Variants in AK8 observed in about 807,000 individuals in gnomAD.
The protein encoded by AK8 is adenylate kinase 8, also known as ATP-AMP transphosphorylase 8.
AK8 carries 44 observed loss-of-function variants against 54.6 expected under a neutral mutation model. The observed-to-expected ratio is 0.81, with a 90% CI of 0.63 to 1.04. The LOEUF (loss-of-function observed/expected upper bound fraction) is 1.04. AK8 is among the 50% of genes least tolerant of loss of function. The probability of loss-of-function intolerance (pLI) is 0.00; values close to 1 mark genes in which losing one functional copy is unlikely to be tolerated. For missense variants in AK8, 555 were observed against 613.6 expected (o/e 0.90, Z 1.01); for synonymous variants, 239 against 245.6 (o/e 0.97, Z 0.25).
At chr9:132,864,673 A>G (rs1843519303) in intron 3 of AK8, among the ~76,000 whole-genome samples, 1 of 152,194 alleles carries the variant, frequency 6.6e-6, no homozygotes, top group Admixed American at 6.5e-5. Context: ...CAATTCACCA[A>G]AAGGCTTGTT....
In AK8 at chr9:132,823,149, G is replaced by A. The variant is rs1477617280; in HGVS notation, c.889+56C>T. The A allele has an allele frequency of 1.0e-5, 15 of 1,498,914 alleles. No individual in the cohort carries two copies. In the African/African-American group the frequency reaches 1.9e-4, roughly 19 times the overall value. The allele number at this position is 1,498,914 out of a possible 1,614,324, so 92.9% of individuals were successfully genotyped here. A position where few individuals can be genotyped will look rare whatever the true frequency, so the allele number is the denominator to read the frequency against. On this transcript the variant is annotated intron_variant, in intron 9 of 12. Transcript: ENST00000298545. ...ATAAAATGAGAGCTGGGGAGGAGGG[G>A]CAGGAGGCAGGGAAAGGCTCTCGAA...
At chr9:132,801,874 T>G (rs750712871) in intron 10 of AK8, among the ~76,000 whole-genome samples, 6 of 152,248 alleles carry the variant, frequency 3.9e-5, no homozygotes, top group Non-Finnish European at 8.8e-5. Context: ...AGGAAGTGAC[T>G]TGCCCATGGC....
At chr9:132,878,821 G>A (rs925589741), upstream of AK8, 14 of 970,322 alleles carry the variant, frequency 1.4e-5, no homozygotes, top group African/African-American at 2.5e-4. The surrounding 1 kb of genome is among the most constrained non-coding windows in gnomAD (Gnocchi z 4.7). Flanking sequence ...GCCGCCAAGT[G>A]ACCCGATTGC....
intron 11 of AK8, among the ~76,000 whole-genome samples, chr9:132,755,297 G>A (rs1838134446): frequency 6.6e-6 from 1 of 152,168 alleles, no homozygotes; most frequent in Non-Finnish European, 1.5e-5. Context: ...GTATCTCCCA[G>A]GTGCCAGGTG....
chr9:132,757,992 G>A (rs1371827078), intron 11 of AK8, among the ~76,000 whole-genome samples: 1 of 152,252 alleles, frequency 6.6e-6, no homozygotes, highest in African/African-American at 2.4e-5. Flanking sequence ...TCTGGGGGCT[G>A]TCCCTCACAT....
intron 5 of AK8, among the ~76,000 whole-genome samples, chr9:132,845,626 T>C (rs1010348025): frequency 6.6e-6 from 1 of 151,872 alleles, no homozygotes; most frequent in Non-Finnish European, 1.5e-5. Context: ...ACTAAAAATA[T>C]AAAAATTAGC....
chr9:132,839,424 T>C (rs1214593153), intron 5 of AK8, among the ~76,000 whole-genome samples: 1 of 152,232 alleles, frequency 6.6e-6, no homozygotes, highest in African/African-American at 2.4e-5. Context: ...CATATTCCAT[T>C]TAACTGATCA....
Position 132,837,679 on chromosome 9 carries a change from T to A in AK8, c.403-8953A>T, listed in dbSNP as rs1439237948. Among the ~76,000 whole-genome samples, 2 of 152,200 alleles carry A rather than the reference T, an allele frequency of 1.3e-5. No homozygotes were observed. Among genetic ancestry groups the A allele is most frequent in the East Asian group, 3.9e-4 (2 of 5,188 alleles). On this transcript the variant is annotated intron_variant, in intron 5 of 12. Coordinates refer to ENST00000298545, the MANE Select transcript of AK8 (RefSeq NM_152572.3). The surrounding 1 kb of genome is among the most constrained non-coding windows in gnomAD (Gnocchi z 4.3). ...ACGCGTTCCTGTCCACATGGAGTGC[T>A]ACGGCTCTGTATGCAGACACATGAT...
At chr9:132,795,112 A>C (rs1254845746) in intron 10 of AK8, among the ~76,000 whole-genome samples, 1 of 152,202 alleles carries the variant, frequency 6.6e-6, no homozygotes, top group East Asian at 1.9e-4. Flanking sequence ...CAGCCTTGGA[A>C]GTTAAAGACA....
rs746288370 is a variant in AK8 at position 132,727,480 on chromosome 9, T to C, written c.1176A>G (p.Arg392=). ...FDSIMERLTL[R]RIDPVTGERY... ...TTTCCCCAGTGACTGGATCAATTCT[T>C]CTCAGAGTCAGCCGCTCCATGATGG... Residue 392 remains arginine (R), a synonymous_variant, in exon 12 of 13, where the codon AGA becomes AGG. Transcript: ENST00000298545. The C allele has an allele frequency of 1.8e-5, 29 of 1,614,048 alleles. No homozygotes were observed. The highest frequency in any genetic ancestry group is 2.5e-5 in the Non-Finnish European group (29 of 1,179,982).
chr9:132,759,070 G>A (rs961228982), intron 11 of AK8, among the ~76,000 whole-genome samples: 6 of 151,568 alleles, frequency 4.0e-5, no homozygotes, highest in Non-Finnish European at 7.4e-5. Flanking sequence ...GTGGTGGTGT[G>A]TTGTAGTCCC....
At chr9:132,767,401 A>C (rs1376467945) in intron 11 of AK8, among the ~76,000 whole-genome samples, 2 of 152,212 alleles carry the variant, frequency 1.3e-5, no homozygotes, top group Non-Finnish European at 2.9e-5. Flanking sequence ...TTAAAACCAC[A>C]ATTAGATATC....
At chr9:132,812,252 GA>G (rs1841051400) in intron 10 of AK8, among the ~76,000 whole-genome samples, 1 of 15,292 alleles carries the variant, frequency 6.5e-5, no homozygotes, top group African/African-American at 3.0e-4. Flanking sequence ...TTTTTTTTTT[GA>G]GACTGAGTCT....
rs577560250 is a variant in AK8 at position 132,849,481 on chromosome 9, T to G, written c.402+5376A>C. ...CCTCAACGAGTGTCTCTCCATCCTT[T>G]TCAGAAAACATGTGTCCACCCCCGA... On this transcript the variant is annotated intron_variant, in intron 5 of 12. Coordinates refer to ENST00000298545, the MANE Select transcript of AK8 (RefSeq NM_152572.3). Among the ~76,000 whole-genome samples the G allele has an allele frequency of 2.6e-5, 4 of 152,280 alleles. No individual in the cohort carries two copies. In the South Asian group the frequency reaches 6.2e-4, roughly 24 times the overall value.
intron 4 of AK8, among the ~76,000 whole-genome samples, chr9:132,857,863 C>T (rs1843237852): frequency 6.6e-6 from 1 of 152,250 alleles, no homozygotes; most frequent in Admixed American, 6.5e-5. Flanking sequence ...CGCCACTGTG[C>T]TGTCTCCACG....
chr9:132,725,666 A>G lies in AK8; in HGVS notation c.*22T>C, dbSNP rs1464432210. 1.3e-6 allele frequency: 2 copies of G among 1,547,426 alleles called. No individual in the cohort carries two copies. ...AGGGGATTAACTCTTTCCCTGGGGC[A>G]GCGCTCCTGGCTCTGAACCCATCAG... On this transcript the variant is annotated 3_prime_UTR_variant, in exon 13 of 13. Coordinates refer to ENST00000298545, the MANE Select transcript of AK8 (RefSeq NM_152572.3).
In AK8 at chr9:132,860,434, A is replaced by T. The variant is rs1843339067; in HGVS notation, c.333+3231T>A. Among the ~76,000 whole-genome samples the T allele has an allele frequency of 6.6e-6, 1 of 152,224 alleles. No individual in the cohort carries two copies. The highest frequency in any genetic ancestry group is 1.5e-5 in the Non-Finnish European group (1 of 68,034). On this transcript the variant is annotated intron_variant, in intron 4 of 12. Coordinates refer to ENST00000298545, the MANE Select transcript of AK8 (RefSeq NM_152572.3). This position sits in a 1 kb window ranked among gnomAD's most constrained non-coding sequence, Gnocchi z 4.4. ...TTACTCAGAGCTTGCTGGGCAAGGG[A>T]GTCAGCCAGCATCGTTCACATCTGG... is the stretch of plus-strand genomic sequence containing the variant.
intron 4 of AK8, among the ~76,000 whole-genome samples, chr9:132,858,513 T>C (rs1346380729): frequency 1.3e-5 from 2 of 152,174 alleles, no homozygotes; most frequent in Non-Finnish European, 2.9e-5. Flanking sequence ...CATTTTGAGC[T>C]ACAGTGTGAT....
chr9:132,849,493 G>A lies in AK8; in HGVS notation c.402+5364C>T, dbSNP rs148890751. ...TCTCTCCATCCTTTTCAGAAAACAT[G>A]TGTCCACCCCCGATTTAGAATAGCC... On this transcript the variant is annotated intron_variant, in intron 5 of 12. Coordinates refer to ENST00000298545, the MANE Select transcript of AK8 (RefSeq NM_152572.3). Among the ~76,000 whole-genome samples, 369 of 152,256 alleles carry A rather than the reference G, an allele frequency of 2.4e-3. 4 individuals are homozygous for A. The highest frequency in any genetic ancestry group is 8.1e-3 in the African/African-American group (337 of 41,554).
Sources: allele counts gnomAD v4.1 joint callset (sites outside exome capture counted in the v4.1 genomes callset), GRCh38; gene constraint gnomAD v4.1.1; non-coding constraint Gnocchi (gnomAD v3.1); transcripts MANE v1.5; gene names NCBI Gene and HGNC (gene_info 2026-07-23, HGNC 2026-07-21).